ST6GALNAC3: variants seen among roughly 807,000 people sequenced by gnomAD.
ST6GALNAC3 encodes the protein ST6 N-acetylgalactosaminide alpha-2,6-sialyltransferase 3.
Under a neutral mutation model 32.7 loss-of-function variants are expected in ST6GALNAC3, and 25 were observed. The ratio of observed to expected loss-of-function variants is 0.76; its 90% CI spans 0.56 to 1.07. The LOEUF (loss-of-function observed/expected upper bound fraction) is 1.07, where lower values mean the gene tolerates loss of function less well. Ranked by LOEUF, ST6GALNAC3 falls within the 50% of genes least tolerant of loss-of-function variation. ST6GALNAC3 has a pLI of 0.00. For synonymous variants in ST6GALNAC3, 129 were observed against 133.1 expected (o/e 0.97, Z 0.21); for missense variants, 355 against 382.4 (o/e 0.93, Z 0.60).
intron 3 of ST6GALNAC3, among the ~76,000 whole-genome samples, chr1:76,501,019 T>TG (rs1661145887): frequency 6.6e-6 from 1 of 152,214 alleles, no homozygotes; most frequent in Admixed American, 6.5e-5. Flanking sequence ...CCTAAGGTAG[T>TG]GGGGGGAAGA....
At chr1:76,360,883 CT>C (rs992143824) in intron 2 of ST6GALNAC3, among the ~76,000 whole-genome samples, 6 of 152,098 alleles carry the variant, frequency 3.9e-5, no homozygotes, top group Non-Finnish European at 8.8e-5. Flanking sequence ...TAAACCTTTC[CT>C]TTCATGTATT....
chr1:76,284,065 T>A (rs1659645986), intron 1 of ST6GALNAC3, among the ~76,000 whole-genome samples: 1 of 152,154 alleles, frequency 6.6e-6, no homozygotes, highest in South Asian at 2.1e-4. Context: ...GAGTTAGAAA[T>A]GCATAGGATG....
Position 76,469,024 on chromosome 1 carries a change from G to T in ST6GALNAC3, c.623+56607G>T, listed in dbSNP as rs534585154. On this transcript the variant is annotated intron_variant, in intron 3 of 4. Transcript: ENST00000328299. ...TTTAAAAGAGAAAGCCTCACCAAAG[G>T]GTAATCAATTGATTATTATAATATT... Among the ~76,000 whole-genome samples the T allele has an allele frequency of 1.6e-3, 243 of 151,998 alleles. 4 individuals carry two copies. The highest frequency in any genetic ancestry group is 1.3e-3 in the Non-Finnish European group (89 of 67,934).
chr1:76,431,141 C>G (rs1457378927), intron 3 of ST6GALNAC3, among the ~76,000 whole-genome samples: 1 of 152,060 alleles, frequency 6.6e-6, no homozygotes, highest in Non-Finnish European at 1.5e-5. Context: ...TAGAAGGGCC[C>G]TTAACTTTCC....
chr1:76,558,447 G>A (rs1665054668), intron 3 of ST6GALNAC3, among the ~76,000 whole-genome samples: 1 of 152,146 alleles, frequency 6.6e-6, no homozygotes, highest in Non-Finnish European at 1.5e-5. Flanking sequence ...CAGCAACATG[G>A]ATGCAGCTGG....
chr1:76,267,190 A>G (rs531958313), intron 1 of ST6GALNAC3, among the ~76,000 whole-genome samples: 1 of 152,156 alleles, frequency 6.6e-6, no homozygotes, highest in Non-Finnish European at 1.5e-5. Flanking sequence ...TTGATCCGCA[A>G]TTATGAATCT....
intron 3 of ST6GALNAC3, among the ~76,000 whole-genome samples, chr1:76,529,471 T>C (rs1663118328): frequency 6.6e-6 from 1 of 152,180 alleles, no homozygotes. Flanking sequence ...ACCTGAATAT[T>C]ATGCATCTTT....
rs534804901 is a variant in ST6GALNAC3 at position 76,154,448 on chromosome 1, A to G, written c.18+79564A>G. 3.3e-5 allele frequency among the ~76,000 whole-genome samples: 5 copies of G among 152,328 alleles called. No homozygotes were observed. In the East Asian group the frequency reaches 9.7e-4, roughly 29 times the overall value. On this transcript the variant is annotated intron_variant, in intron 1 of 4. Coordinates refer to ENST00000328299, the MANE Select transcript of ST6GALNAC3 (RefSeq NM_152996.4). ...CAAGGTTTGTTATGAATGTAAAGAC[A>G]TTCTCCAACTCAAGCAAGTGTGGGC...
intron 1 of ST6GALNAC3, chr1:76,310,044 C>T (rs535611069): frequency 3.2e-5 from 15 of 474,932 alleles, no homozygotes; most frequent in African/African-American, 2.5e-4. Context: ...TGTCCCCAAA[C>T]CCCCAGCCAT....
At chr1:76,565,496 C>T (rs768219427) in intron 3 of ST6GALNAC3, among the ~76,000 whole-genome samples, 1 of 152,080 alleles carries the variant, frequency 6.6e-6, no homozygotes, top group Non-Finnish European at 1.5e-5. Flanking sequence ...TTTTCTCTTC[C>T]TCTCTTGAAC....
intron 3 of ST6GALNAC3, among the ~76,000 whole-genome samples, chr1:76,603,437 A>G (rs1647332848): frequency 6.6e-6 from 1 of 152,222 alleles, no homozygotes; most frequent in Non-Finnish European, 1.5e-5. Context: ...GGATCTCACA[A>G]ACAAAATATT....
At chr1:76,196,556 C>T (rs1423812532) in intron 1 of ST6GALNAC3, among the ~76,000 whole-genome samples, 1 of 151,904 alleles carries the variant, frequency 6.6e-6, no homozygotes, top group Non-Finnish European at 1.5e-5. Flanking sequence ...GCCTCCTCCT[C>T]CCGGGTTCAA....
chr1:76,469,020 A>C (rs1468041900), intron 3 of ST6GALNAC3, among the ~76,000 whole-genome samples: 1 of 152,072 alleles, frequency 6.6e-6, no homozygotes, highest in Non-Finnish European at 1.5e-5. Flanking sequence ...AAGCCTCACC[A>C]AAGGGTAATC....
At chr1:76,507,194 GAC>G (rs1291521148) in intron 3 of ST6GALNAC3, among the ~76,000 whole-genome samples, 1 of 152,150 alleles carries the variant, frequency 6.6e-6, no homozygotes, top group Admixed American at 6.5e-5. Flanking sequence ...AGTAACCAGT[GAC>G]ACAGCTCAAG....
intron 1 of ST6GALNAC3, among the ~76,000 whole-genome samples, chr1:76,121,905 A>G (rs1648903778): frequency 6.6e-6 from 1 of 152,096 alleles, no homozygotes. Context: ...ACGCTGTTCC[A>G]GCCCTCTTGC....
chr1:76,592,326 A>G (rs1053103523), intron 3 of ST6GALNAC3, among the ~76,000 whole-genome samples: 4 of 152,274 alleles, frequency 2.6e-5, no homozygotes, highest in African/African-American at 9.6e-5. Context: ...TCAAGAATAC[A>G]TGGGATTAAG....
At chr1:76,241,200 T>C (rs1479956222) in intron 1 of ST6GALNAC3, among the ~76,000 whole-genome samples, 1 of 152,194 alleles carries the variant, frequency 6.6e-6, no homozygotes, top group Non-Finnish European at 1.5e-5. Context: ...TGCTATTGAG[T>C]ACCTTTCTTA....
At chr1:76,311,300 C>T in intron 1 of ST6GALNAC3, among the ~76,000 whole-genome samples, 1 of 144,538 alleles carries the variant, frequency 6.9e-6, no homozygotes, top group East Asian at 2.2e-4. Flanking sequence ...AAAAATTATA[C>T]TTTAAGTTCT....
chr1:76,115,458 A>G (rs1234085649), intron 1 of ST6GALNAC3, among the ~76,000 whole-genome samples: 2 of 152,212 alleles, frequency 1.3e-5, no homozygotes, highest in East Asian at 3.8e-4. Context: ...CCACAGAAGG[A>G]GTCATTTACA....
Sources: allele counts gnomAD v4.1 joint callset (sites outside exome capture counted in the v4.1 genomes callset), GRCh38; gene constraint gnomAD v4.1.1; transcripts MANE v1.5; gene names NCBI Gene and HGNC (gene_info 2026-07-23, HGNC 2026-07-21).